Variants in TTBK2 observed in about 807,000 individuals in gnomAD.
TTBK2 encodes the protein tau-tubulin kinase 2.
Under a neutral mutation model 110.8 loss-of-function variants are expected in TTBK2, and 28 were observed. The observed-to-expected ratio is 0.25, with a 90% CI of 0.19 to 0.35. The LOEUF (loss-of-function observed/expected upper bound fraction) is 0.35. TTBK2 is among the 10% of genes least tolerant of loss of function. The pLI, the probability that TTBK2 is intolerant of heterozygous loss-of-function variation, is 1.00. For synonymous variants in TTBK2, 532 were observed against 527.3 expected (o/e 1.01, Z -0.12); for missense variants, 1,369 against 1,500.3 (o/e 0.91, Z 1.45).
At chr15:42,821,686 G>T (rs868110213) in intron 6 of TTBK2, among the ~76,000 whole-genome samples, 96 of 122,996 alleles carry the variant, frequency 7.8e-4, no homozygotes, top group Admixed American at 1.1e-3. Context: ...TTTGTTTTTT[G>T]TTTTTTTTTT....
At chr15:42,845,505 G>GCACC (rs919898230) in intron 3 of TTBK2, among the ~76,000 whole-genome samples, 10 of 151,406 alleles carry the variant, frequency 6.6e-5, no homozygotes, top group Non-Finnish European at 1.3e-4. Flanking sequence ...ATCGCAGTAG[G>GCACC]CACCTATAAT....
intron 13 of TTBK2, among the ~76,000 whole-genome samples, chr15:42,766,457 A>AAAAAAAAAAAAC: frequency 6.9e-6 from 1 of 144,774 alleles, no homozygotes; most frequent in Admixed American, 6.7e-5. Flanking sequence ...AAAAAAAAAA[A>AAAAAAAAAAAAC]AAAAAAAAAA....
intron 6 of TTBK2, among the ~76,000 whole-genome samples, chr15:42,819,161 G>A (rs1892179704): frequency 6.6e-6 from 1 of 150,532 alleles, no homozygotes; most frequent in African/African-American, 2.4e-5. Context: ...AGTCAGAAAA[G>A]ATAGTAAACG....
intron 1 of TTBK2, among the ~76,000 whole-genome samples, chr15:42,910,458 C>G (rs1346138218): frequency 6.6e-6 from 1 of 152,188 alleles, no homozygotes; most frequent in Admixed American, 6.5e-5. Context: ...TACCATTGAA[C>G]CTTTCACTAA....
At chr15:42,767,290 C>T (rs1009545765) in intron 13 of TTBK2, among the ~76,000 whole-genome samples, 2 of 151,828 alleles carry the variant, frequency 1.3e-5, no homozygotes, top group Admixed American at 6.6e-5. Context: ...GATAGAGACA[C>T]AAAAAAACCC....
Position 42,904,286 on chromosome 15 carries a change from C to T in TTBK2, c.-68+16152G>A, listed in dbSNP as rs548141586. On this transcript the variant is annotated intron_variant, in intron 1 of 14. Coordinates refer to ENST00000267890, the MANE Select transcript of TTBK2 (RefSeq NM_173500.4). ...CACTGGTAATGGGGTGATAGTTTCT[C>T]AAAGTTATGCATGACCACAGGTTCC... 2.0e-5 allele frequency among the ~76,000 whole-genome samples: 3 copies of T among 152,222 alleles called. No homozygotes were observed. In the South Asian group the frequency reaches 6.2e-4, roughly 32 times the overall value.
intron 5 of TTBK2, among the ~76,000 whole-genome samples, chr15:42,829,422 T>C (rs998792897): frequency 1.3e-5 from 2 of 152,242 alleles, no homozygotes; most frequent in Non-Finnish European, 2.9e-5. Context: ...AAGCAACATA[T>C]ATAGTTTCTT....
At chr15:42,773,838 C>T (rs1447907823) in intron 13 of TTBK2, among the ~76,000 whole-genome samples, 1 of 150,654 alleles carries the variant, frequency 6.6e-6, no homozygotes, top group Non-Finnish European at 1.5e-5. Flanking sequence ...GTAGTTACCT[C>T]CCTCTAGCCC....
At chr15:42,895,922 C>A (rs180991981) in intron 1 of TTBK2, among the ~76,000 whole-genome samples, 1 of 152,128 alleles carries the variant, frequency 6.6e-6, no homozygotes, top group Non-Finnish European at 1.5e-5. Flanking sequence ...GCAGTCACTC[C>A]CCATTCCCTT....
rs1356922506 is a variant in TTBK2 at position 42,746,348 on chromosome 15, G to A, written c.3273-91C>T. The A allele has an allele frequency of 6.0e-6, 6 of 999,574 alleles. No individual in the cohort carries two copies. The East Asian group carries it at 1.6e-4, about 26-fold the overall frequency. The allele number at this position is 999,574 out of a possible 1,614,324, so 61.9% of individuals were successfully genotyped here. A position where few individuals can be genotyped will look rare whatever the true frequency, so the allele number is the denominator to read the frequency against. On this transcript the variant is annotated intron_variant, in intron 14 of 14. Transcript: ENST00000267890. ...TGTCCCAAAATCATAATGTGAATGTGTAGAAATCAGAAAATAGACTAACAG... is the reference window on the plus strand; with the variant it reads ...TGTCCCAAAATCATAATGTGAATGTATAGAAATCAGAAAATAGACTAACAG...
At chr15:42,870,573 A>G (rs1174285365) in intron 3 of TTBK2, among the ~76,000 whole-genome samples, 1 of 152,050 alleles carries the variant, frequency 6.6e-6, no homozygotes, top group Non-Finnish European at 1.5e-5. Context: ...GTTAAAAAAA[A>G]AAATCGCAGC....
At chr15:42,871,736 AATAGGTGTTAATCT>A (rs1213899361) in intron 3 of TTBK2, 2 of 245,284 alleles carry the variant, frequency 8.2e-6, no homozygotes, top group African/African-American at 2.3e-5. Flanking sequence ...CAGTATTGAC[AATAGGTGTTAATCT>A]ATCCACTGTT....
chr15:42,780,628 C>A (rs1890143227), intron 11 of TTBK2, among the ~76,000 whole-genome samples: 1 of 151,920 alleles, frequency 6.6e-6, no homozygotes, highest in South Asian at 2.1e-4. Context: ...AGGAAAAAGG[C>A]ATTAAAAAAC....
chr15:42,772,406 C>CT (rs1889717466), intron 13 of TTBK2, among the ~76,000 whole-genome samples: 1 of 152,112 alleles, frequency 6.6e-6, no homozygotes, highest in Non-Finnish European at 1.5e-5. Flanking sequence ...TCCAGCCAAA[C>CT]TTTTAAATTG....
chr15:42,740,189 C>T lies in TTBK2; in HGVS notation c.*5606G>A, dbSNP rs1017912318. Reference sequence around the variant, plus strand: ...TCAGCATCGCCAGTGTACATATATTCTGTGCCCATACTACCACTAACGCTT... The same window carrying T: ...TCAGCATCGCCAGTGTACATATATTTTGTGCCCATACTACCACTAACGCTT... On this transcript the variant is annotated 3_prime_UTR_variant, in exon 15 of 15. Coordinates refer to ENST00000267890, the MANE Select transcript of TTBK2 (RefSeq NM_173500.4). The T allele has an allele frequency of 2.6e-5, 4 of 152,188 alleles. No individual in the cohort carries two copies. The highest frequency in any genetic ancestry group is 9.7e-5 in the African/African-American group (4 of 41,436). The allele number at this position is 152,188 out of a possible 1,614,324, so 9.4% of individuals were successfully genotyped here.
intron 14 of TTBK2, among the ~76,000 whole-genome samples, chr15:42,751,722 T>A (rs1376555898): frequency 1.3e-5 from 2 of 152,254 alleles, no homozygotes; most frequent in Non-Finnish European, 2.9e-5. Context: ...CCAGCCTGCG[T>A]GACAGAGCGA....
intron 10 of TTBK2, 63 bp downstream of exon 10, chr15:42,794,581 T>C (rs377564004): frequency 6.2e-7 from 1 of 1,612,326 alleles, no homozygotes; most frequent in Non-Finnish European, 8.5e-7. Flanking sequence ...CTGGATGAAG[T>C]AAATTTTTGC....
Position 42,816,077 on chromosome 15 carries a change from AATAAATAAATATATATAT to A in TTBK2, c.603+937_603+954del, listed in dbSNP as rs1333748812. Among the ~76,000 whole-genome samples the A allele has an allele frequency of 4.8e-5, 3 of 63,098 alleles. 1 individual carries two copies. The East Asian group carries it at 1.6e-3, about 34-fold the overall frequency. 41.4% of individuals were successfully genotyped at this position (63,098 alleles called of 152,430 possible). A position where few individuals can be genotyped will look rare whatever the true frequency, so the allele number is the denominator to read the frequency against. On this transcript the variant is annotated intron_variant, in intron 7 of 14. Transcript: ENST00000267890. The stretch of plus-strand genomic sequence containing the variant: ...ATAAAAATATATATATATAAAAATA[AATAAATAAATATATATAT>A]ATATATATATATATATATATATATG...
At chr15:42,779,326 T>C (rs1890078126) in intron 11 of TTBK2, among the ~76,000 whole-genome samples, 2 of 151,690 alleles carry the variant, frequency 1.3e-5, no homozygotes, top group Admixed American at 1.3e-4. Context: ...GGAGAATCGC[T>C]TTAACCCAAG....
Sources: allele counts gnomAD v4.1 joint callset (sites outside exome capture counted in the v4.1 genomes callset), GRCh38; gene constraint gnomAD v4.1.1; transcripts MANE v1.5; gene names NCBI Gene and HGNC (gene_info 2026-07-23, HGNC 2026-07-21).